FHOD3: variants seen among roughly 807,000 people sequenced by gnomAD.
FHOD3 encodes formin homology 2 domain containing 3.
A neutral mutation model predicts 173.0 loss-of-function variants in FHOD3; 90 were observed. The observed-to-expected ratio is 0.52, with a 90% CI of 0.44 to 0.62. The LOEUF is 0.62. Ranked by LOEUF, FHOD3 falls within the 20% of genes least tolerant of loss-of-function variation. The pLI is 0.00. For synonymous variants in FHOD3, 828 were observed against 823.0 expected (o/e 1.01, Z -0.10); for missense variants, 1,945 against 2,034.7 (o/e 0.96, Z 0.85).
chr18:36,390,440 C>T (rs138255112), intron 3 of FHOD3, among the ~76,000 whole-genome samples: 1,585 of 152,266 alleles, frequency 0.01, 19 homozygotes, highest in Non-Finnish European at 0.018. Context: ...CCAGATGCCT[C>T]GTTGGTGCCT....
intron 2 of FHOD3, among the ~76,000 whole-genome samples, chr18:36,365,698 C>G (rs569340898): frequency 2.6e-5 from 4 of 151,986 alleles, no homozygotes; most frequent in Non-Finnish European, 5.9e-5. Flanking sequence ...TTAAAGCTTA[C>G]AAAAAACGTG....
chr18:36,396,076 C>G (rs1476701116), intron 3 of FHOD3, among the ~76,000 whole-genome samples: 1 of 152,038 alleles, frequency 6.6e-6, no homozygotes, highest in Non-Finnish European at 1.5e-5. Flanking sequence ...CATTTTATGT[C>G]CTTGTTACTG....
At chr18:36,462,728 G>T (rs760279458) in intron 3 of FHOD3, among the ~76,000 whole-genome samples, 5 of 152,200 alleles carry the variant, frequency 3.3e-5, no homozygotes, top group Admixed American at 6.5e-5. Flanking sequence ...AAGCACAAGT[G>T]AACCTCTTGC....
rs1345744672 is a variant in FHOD3 at position 36,379,530 on chromosome 18, TAAC to T, written c.337+6789_337+6791del. On this transcript the variant is annotated intron_variant, in intron 3 of 28. Transcript: ENST00000590592. ...ATTGTTTATATCCTGGTTGGTCACTTAACAAGGAACATGAAAATCTGGCAAACA... is the reference window on the plus strand; with the variant it reads ...ATTGTTTATATCCTGGTTGGTCACTTAAGGAACATGAAAATCTGGCAAACA... Among the ~76,000 whole-genome samples, 2 of 152,216 alleles carry T rather than the reference TAAC, an allele frequency of 1.3e-5. 1 individual carries two copies. The highest frequency in any genetic ancestry group is 4.1e-4 in the South Asian group (2 of 4,830).
intron 14 of FHOD3, among the ~76,000 whole-genome samples, chr18:36,675,182 C>T (rs28704888): frequency 0.015 from 2,247 of 152,180 alleles, 55 homozygotes; most frequent in African/African-American, 0.051. Context: ...TGGCCACCTC[C>T]GTGCACCAGA....
intron 3 of FHOD3, among the ~76,000 whole-genome samples, chr18:36,420,637 C>T (rs1012433538): frequency 6.6e-6 from 1 of 152,176 alleles, no homozygotes; most frequent in Non-Finnish European, 1.5e-5. Flanking sequence ...AAGTATTTCT[C>T]ACTCCCTTAT....
chr18:36,319,985 C>T (rs1204700410), intron 1 of FHOD3, among the ~76,000 whole-genome samples: 3 of 152,132 alleles, frequency 2.0e-5, no homozygotes, highest in African/African-American at 4.8e-5. Context: ...ACATTTAAAG[C>T]AGTATGTAGA....
chr18:36,535,799 A>T (rs2056971762), intron 5 of FHOD3, among the ~76,000 whole-genome samples: 1 of 152,194 alleles, frequency 6.6e-6, no homozygotes, highest in Non-Finnish European at 1.5e-5. Flanking sequence ...GTTTATTTAT[A>T]TTATTAACTT....
At chr18:36,744,668 G>A (rs1180254777) in intron 23 of FHOD3, among the ~76,000 whole-genome samples, 3 of 152,208 alleles carry the variant, frequency 2.0e-5, no homozygotes, top group Non-Finnish European at 2.9e-5. Flanking sequence ...TTGCCCAGAG[G>A]GAACATTTTT....
chr18:36,329,975 T>C (rs981275670), intron 1 of FHOD3, among the ~76,000 whole-genome samples: 3 of 152,098 alleles, frequency 2.0e-5, no homozygotes, highest in African/African-American at 7.2e-5. Flanking sequence ...AAGAATGCAG[T>C]GATTGATGAG....
At chr18:36,596,468 C>T (rs1305040622) in intron 7 of FHOD3, among the ~76,000 whole-genome samples, 1 of 151,756 alleles carries the variant, frequency 6.6e-6, no homozygotes, top group Non-Finnish European at 1.5e-5. Flanking sequence ...CAGGCGTGAG[C>T]CAGCGTGCCC....
In FHOD3 at chr18:36,731,784, G is replaced by T. The variant is rs1305742118; in HGVS notation, c.3576+980G>T. On this transcript the variant is annotated intron_variant, in intron 20 of 28. Coordinates refer to ENST00000590592, the MANE Select transcript of FHOD3 (RefSeq NM_001281740.3). The stretch of plus-strand genomic sequence containing the variant: ...GAATCACCCATGGCCCTGGGAATGG[G>T]AGGGAGCAGTGGGCACACAGTACGT... 2.6e-5 allele frequency among the ~76,000 whole-genome samples: 4 copies of T among 152,216 alleles called. No individual in the cohort carries two copies. The East Asian group carries it at 7.7e-4, about 29-fold the overall frequency.
intron 5 of FHOD3, among the ~76,000 whole-genome samples, chr18:36,558,287 C>CT (rs887824473): frequency 1.3e-5 from 2 of 152,130 alleles, no homozygotes; most frequent in Non-Finnish European, 2.9e-5. Context: ...CTATGGGAAT[C>CT]TTCTCAAGGT....
chr18:36,759,192 T>C (rs1270346882), intron 26 of FHOD3, 51 bp downstream of exon 26: 9 of 1,502,938 alleles, frequency 6.0e-6, no homozygotes, highest in Non-Finnish European at 7.2e-6. Context: ...ACCTCATGTA[T>C]GCTCTGGTCT....
chr18:36,554,047 A>G (rs1489443855), intron 5 of FHOD3, among the ~76,000 whole-genome samples: 1 of 152,212 alleles, frequency 6.6e-6, no homozygotes, highest in African/African-American at 2.4e-5. Context: ...TGGGACTGTA[A>G]ACTAGTTCAA....
intron 3 of FHOD3, among the ~76,000 whole-genome samples, chr18:36,450,630 T>C (rs1179251707): frequency 1.3e-5 from 2 of 151,324 alleles, no homozygotes; most frequent in African/African-American, 4.9e-5. Context: ...TGTCTCTAAG[T>C]AAAATAAAAA....
At chr18:36,340,594 T>TTC (rs61684915) in intron 1 of FHOD3, among the ~76,000 whole-genome samples, 13 of 151,404 alleles carry the variant, frequency 8.6e-5, no homozygotes, top group South Asian at 2.1e-4. Context: ...TTTTTTTTTT[T>TTC]CCCTCTGGTT....
chr18:36,523,078 C>A (rs2056350243), intron 5 of FHOD3, among the ~76,000 whole-genome samples: 1 of 151,734 alleles, frequency 6.6e-6, no homozygotes, highest in Non-Finnish European at 1.5e-5. Flanking sequence ...TACTCCCTAG[C>A]CCCCCAACCA....
At chr18:36,709,022 C>A in intron 17 of FHOD3, 73 bp from the exon 18 acceptor site, 1 of 1,535,462 alleles carries the variant, frequency 6.5e-7, no homozygotes, top group Non-Finnish European at 8.9e-7. Flanking sequence ...ATCAACCTCA[C>A]ATTCATTCTC....
Sources: gnomAD v4.1 joint callset for allele counts (sites outside exome capture counted in the v4.1 genomes callset) on GRCh38, gnomAD v4.1.1 for gene constraint, MANE v1.5 for transcripts, NCBI Gene and HGNC (gene_info 2026-07-23, HGNC 2026-07-21) for gene names.